Variants in COL12A1 observed in about 807,000 individuals in gnomAD.
COL12A1 encodes the protein collagen alpha-1(XII) chain.
A neutral mutation model predicts 349.7 loss-of-function variants in COL12A1; 114 were observed. That is an observed-to-expected ratio of 0.33 (90% CI 0.28 to 0.38). COL12A1 has a LOEUF of 0.38. COL12A1 is among the 10% of genes least tolerant of loss of function. The probability of loss-of-function intolerance (pLI) is 1.00; values close to 1 mark genes in which losing one functional copy is unlikely to be tolerated. For missense variants in COL12A1, 3,284 were observed against 3,756.9 expected (o/e 0.87, Z 3.29); for synonymous variants, 1,369 against 1,329.0 (o/e 1.03, Z -0.66).
chr6:75,180,789 A>C (rs1769226545), intron 11 of COL12A1, 150 bp downstream of exon 11: 1 of 957,306 alleles, frequency 1.0e-6, no homozygotes, highest in Non-Finnish European at 1.5e-6. Flanking sequence ...TTTTAAAAAG[A>C]TTTATGAAAA....
intron 58 of COL12A1, 23 bp downstream of exon 58, chr6:75,101,577 G>T (rs1768304389): frequency 6.2e-7 from 1 of 1,608,270 alleles, no homozygotes; most frequent in Non-Finnish European, 8.5e-7. Context: ...CAACATCATT[G>T]TAGCCTGCTC....
chr6:75,090,194 C>A lies in COL12A1; in HGVS notation c.8857G>T (p.Ala2953Ser), dbSNP rs201760746. The A allele has an allele frequency of 1.7e-5, 28 of 1,613,954 alleles. No individual in the cohort carries two copies. Among genetic ancestry groups the A allele is most frequent in the Non-Finnish European group, 2.2e-5 (26 of 1,180,012 alleles). ...GGCCCAGGTTCTCCTCTGGCTCCTG[C>A]GCTACCAGGAGGTCCCGGTGGACCC... The part of the protein sequence containing the change: ...PPGPPGPPGS[A>S]GARGEPGPGG... The change falls in exon 63 of 66, where the codon GCA becomes TCA. Residue 2953 changes from alanine (A) to serine (S), a missense_variant. Coordinates refer to ENST00000322507, the MANE Select transcript of COL12A1 (RefSeq NM_004370.6). The surrounding 1 kb of genome is among the most constrained non-coding windows in gnomAD (Gnocchi z 4.1).
Position 75,165,657 on chromosome 6 carries a change from C to A in COL12A1, c.2833G>T (p.Asp945Tyr). The A allele has an allele frequency of 6.2e-7, 1 of 1,614,020 alleles. No individual in the cohort carries two copies. The highest frequency in any genetic ancestry group is 8.5e-7 in the Non-Finnish European group (1 of 1,179,934). Residue 945 changes from aspartate to tyrosine, a missense_variant, in exon 14 of 66, where the codon GAT becomes TAT. Asp to Tyr is a radical substitution (Grantham distance 160, BLOSUM62 -3). Coordinates refer to ENST00000322507, the MANE Select transcript of COL12A1 (RefSeq NM_004370.6). ...AGATTTTTCTCTCCAGTGTCAACAT[C>A]ATCATAAAGTGATTTCCATGAGACC... is the stretch of plus-strand genomic sequence containing the variant. Reference protein sequence around the residue: ...YRVSWKSLYDDVDTGEKNLPE... With the variant: ...YRVSWKSLYDYVDTGEKNLPE...
chr6:75,170,001 A>G (rs749482107), intron 13 of COL12A1, among the ~76,000 whole-genome samples: 5 of 152,318 alleles, frequency 3.3e-5, no homozygotes, highest in Admixed American at 6.5e-5. Context: ...AGACAGGTCT[A>G]CTTCTCATGA....
At chr6:75,176,351 G>A (rs1408722586) in intron 12 of COL12A1, among the ~76,000 whole-genome samples, 1 of 150,846 alleles carries the variant, frequency 6.6e-6, no homozygotes, top group Non-Finnish European at 1.5e-5. Context: ...AGTGGGAGGA[G>A]GGAGAGGGAT....
At position 75,097,189 on chromosome 6, in the gene COL12A1, C is replaced by T. The variant is rs544161815; in HGVS notation, c.8577+64G>A. ...TGGAATGTGCTTCAAAGGCAGGTTA[C>T]TAGCAAAATGAGGTGAGAGGGTGGG... On this transcript the variant is annotated intron_variant, in intron 59 of 65. Transcript: ENST00000322507. 38 of 1,397,780 alleles carry T rather than the reference C, an allele frequency of 2.7e-5. 3 individuals carry two copies. In the South Asian group the frequency reaches 4.3e-4, roughly 16 times the overall value. 86.6% of individuals were successfully genotyped at this position (1,397,780 alleles called of 1,614,324 possible). A position where few individuals can be genotyped will look rare whatever the true frequency, so the allele number is the denominator to read the frequency against.
Position 75,177,696 on chromosome 6 carries a change from T to A in COL12A1, c.2404A>T (p.Thr802Ser). The A allele has an allele frequency of 6.2e-7, 1 of 1,614,066 alleles. No homozygotes were observed. Among genetic ancestry groups the A allele is most frequent in the East Asian group, 2.2e-5 (1 of 44,858 alleles). ...GTGGCTGCATTTCCAGTTAATGGAGTACCAGGTCCTGAGAAATATTCAGGA... is the reference window on the plus strand; with the variant it reads ...GTGGCTGCATTTCCAGTTAATGGAGAACCAGGTCCTGAGAAATATTCAGGA... ...VIPEYFSGPG[T>S]PLTGNAATEE... Residue 802 changes from threonine to serine, a missense_variant, in exon 12 of 66, where the codon ACT becomes TCT. Physicochemically the swap from Thr to Ser is moderately conservative, Grantham distance 58 (BLOSUM62 1). Coordinates refer to ENST00000322507, the MANE Select transcript of COL12A1 (RefSeq NM_004370.6).
At position 75,177,907 on chromosome 6, in the gene COL12A1, C is replaced by A. The variant is rs1417300816; in HGVS notation, c.2193G>T (p.Val731=). 6.2e-7 allele frequency: 1 copy of A among 1,611,182 alleles called. No homozygotes were observed. Among genetic ancestry groups the A allele is most frequent in the South Asian group, 1.1e-5 (1 of 90,650 alleles). Reference sequence around the variant, plus strand: ...TGAAACTATCTGTAGTCTCATCTGTCACCTTTAGGTTTCGAGGTGCTCCTT... The same window carrying A: ...TGAAACTATCTGTAGTCTCATCTGTAACCTTTAGGTTTCGAGGTGCTCCTT... ...EVKGAPRNLK[V]TDETTDSFKI... is the part of the protein sequence containing the mutation. The change falls in exon 12 of 66, where the codon GTG becomes GTT. Residue 731 remains valine, a synonymous_variant. Transcript: ENST00000322507.
intron 27 of COL12A1, among the ~76,000 whole-genome samples, chr6:75,140,795 T>C (rs1302571579): frequency 6.6e-6 from 1 of 151,886 alleles, no homozygotes; most frequent in Non-Finnish European, 1.5e-5. Flanking sequence ...GGTTCCAGAC[T>C]ATAGTATCAG....
At chr6:75,163,109 C>T (rs575509776) in intron 14 of COL12A1, among the ~76,000 whole-genome samples, 1 of 152,266 alleles carries the variant, frequency 6.6e-6, no homozygotes, top group South Asian at 2.1e-4. Context: ...TGTGGTGATT[C>T]CTCAAGGATC....
chr6:75,142,212 G>T, intron 26 of COL12A1, 51 bp from the exon 27 acceptor site: 2 of 1,606,778 alleles, frequency 1.2e-6, no homozygotes, highest in South Asian at 1.1e-5. Context: ...GTTTACTTTT[G>T]ACATCTCTCT....
rs768683332 is a variant in COL12A1 at position 75,165,702 on chromosome 6, C to T, written c.2788G>A (p.Gly930Arg). The change falls in exon 14 of 66, where the codon GGA becomes AGA. Residue 930 changes from glycine to arginine, a missense_variant. By Grantham distance (125) the Gly-to-Arg change is moderately radical (BLOSUM62 -2). This residue lies in a region of COL12A1 where 2,601 missense variants were observed against 2,824.8 expected (regional missense o/e 0.92). Transcript: ENST00000322507. ...GAGACCCTGTAACCGCGAACCATTC[C>T]TGGAGCAGATGTCCAATAAGCCCCA... ...SIGAYWTSAP[G>R]MVRGYRVSWK... 6 of 1,613,866 alleles carry T rather than the reference C, an allele frequency of 3.7e-6. No homozygotes were observed.
chr6:75,152,683 G>C (rs767314204), intron 17 of COL12A1, among the ~76,000 whole-genome samples: 2 of 152,130 alleles, frequency 1.3e-5, no homozygotes, highest in Non-Finnish European at 2.9e-5. Context: ...AGAGTCAGCA[G>C]TTCCTCCAAA....
Position 75,151,027 on chromosome 6 carries a change from C to A in COL12A1, c.4147+114G>T, listed in dbSNP as rs968569003. On this transcript the variant is annotated intron_variant, in intron 21 of 65. Coordinates refer to ENST00000322507, the MANE Select transcript of COL12A1 (RefSeq NM_004370.6). Reference sequence around the variant, plus strand: ...ATCCAACCGGCAGAGGCCTTTCACACTGCTAAACATTTCATAGTGCACAAA... The same window carrying A: ...ATCCAACCGGCAGAGGCCTTTCACAATGCTAAACATTTCATAGTGCACAAA... 12 of 862,282 alleles carry A rather than the reference C, an allele frequency of 1.4e-5. No individual in the cohort carries two copies. In the Admixed American group the frequency reaches 3.4e-4, roughly 24 times the overall value. 53.4% of individuals were successfully genotyped at this position (862,282 alleles called of 1,614,324 possible). A position where few individuals can be genotyped will look rare whatever the true frequency, so the allele number is the denominator to read the frequency against.
chr6:75,103,149 A>C (rs1768381873), intron 55 of COL12A1, among the ~76,000 whole-genome samples: 1 of 152,164 alleles, frequency 6.6e-6, no homozygotes, highest in African/African-American at 2.4e-5. Flanking sequence ...CTCTTTTACA[A>C]TCTGTCTAGA....
chr6:75,101,568 A>G (rs760764316), intron 58 of COL12A1, 32 bp downstream of exon 58: 2 of 1,599,116 alleles, frequency 1.3e-6, no homozygotes, highest in South Asian at 1.1e-5. Flanking sequence ...CATCATTTCC[A>G]ACATCATTGT....
chr6:75,141,444 C>T (rs1766885869), intron 27 of COL12A1, among the ~76,000 whole-genome samples: 1 of 152,204 alleles, frequency 6.6e-6, no homozygotes, highest in East Asian at 1.9e-4. Flanking sequence ...GAGCAGGAAG[C>T]AGGGTCTGGG....
chr6:75,124,549 A>AC (rs576308160), intron 40 of COL12A1, among the ~76,000 whole-genome samples, 178 bp from the exon 41 acceptor site: 1 of 151,932 alleles, frequency 6.6e-6, no homozygotes, highest in African/African-American at 2.4e-5. Flanking sequence ...GCCAAAATAG[A>AC]CCCCCCTTTC....
intron 52 of COL12A1, among the ~76,000 whole-genome samples, chr6:75,106,866 G>A (rs989254081): frequency 7.6e-6 from 1 of 130,810 alleles, no homozygotes; most frequent in African/African-American, 2.7e-5. Context: ...TTGTTTGTTA[G>A]GTATTTTCTT....
Sources: gnomAD v4.1 joint callset for allele counts (sites outside exome capture counted in the v4.1 genomes callset) on GRCh38, gnomAD v4.1.1 for gene constraint, gnomAD v4.1.1 regional missense constraint, Gnocchi (gnomAD v3.1) non-coding constraint, MANE v1.5 for transcripts, NCBI Gene and HGNC (gene_info 2026-07-23, HGNC 2026-07-21) for gene names.